Variants in EPB41L4B observed in about 807,000 individuals in gnomAD.
The protein encoded by EPB41L4B is band 4.1-like protein 4B.
A neutral mutation model predicts 112.5 loss-of-function variants in EPB41L4B; 30 were observed. The ratio of observed to expected loss-of-function variants is 0.27; its 90% confidence interval spans 0.20 to 0.36. The LOEUF is 0.36. Ranked by LOEUF, EPB41L4B falls within the 10% of genes least tolerant of loss-of-function variation. EPB41L4B has a pLI of 1.00. For synonymous variants in EPB41L4B, 408 were observed against 439.7 expected (o/e 0.93, Z 0.90); for missense variants, 1,024 against 1,133.3 (o/e 0.90, Z 1.38).
In EPB41L4B at chr9:109,243,105, T is replaced by G. The variant is rs73529309; in HGVS notation, c.1409+513A>C. On this transcript the variant is annotated intron_variant, in intron 15 of 25. Transcript: ENST00000374566. ...TTGTGACAGCGACCACAAAGCAGAA[T>G]ATATTGACTGTCTGATCCTTTACAG... is the stretch of plus-strand genomic sequence containing the variant. Among the ~76,000 whole-genome samples the G allele has an allele frequency of 5.3e-3, 798 of 150,466 alleles. 4 individuals carry two copies. Among genetic ancestry groups the G allele is most frequent in the African/African-American group, 0.019 (779 of 40,932 alleles).
rs1328877605 is a variant in EPB41L4B at position 109,197,387 on chromosome 9, C to T, written c.2045+2849G>A. Among the ~76,000 whole-genome samples the T allele has an allele frequency of 3.9e-5, 6 of 152,134 alleles. No homozygotes were observed. The South Asian group carries it at 6.2e-4, about 16-fold the overall frequency. ...GCAGTGAGCTAAGACTGAGCCATTG[C>T]ACTCCAGCCTGGGTGACAGAGTGAG... On this transcript the variant is annotated intron_variant, in intron 20 of 25. Transcript: ENST00000374566.
rs1173386391 is a variant in EPB41L4B at position 109,172,706 on chromosome 9, C to T, written c.*1848G>A. 3 of 152,188 alleles carry T rather than the reference C, an allele frequency of 2.0e-5. No individual in the cohort carries two copies. Among genetic ancestry groups the T allele is most frequent in the East Asian group, 1.9e-4 (1 of 5,196 alleles). 9.4% of individuals were successfully genotyped at this position (152,188 alleles called of 1,614,324 possible). ...CTCTGTTTACTAAGGCAGGGAAGTG[C>T]GTAATACATTTTAGAAAGATTTCCC... On this transcript the variant is annotated 3_prime_UTR_variant, in exon 26 of 26. Transcript: ENST00000374566.
In EPB41L4B at chr9:109,176,498, C is replaced by T. The variant is rs536141790; in HGVS notation, c.2633+53G>A. 5.0e-5 allele frequency: 77 copies of T among 1,545,516 alleles called. No individual in the cohort carries two copies. In the South Asian group the frequency reaches 8.9e-4, roughly 18 times the overall value. ...ACAAACACAATGAACCTAGAGTCTC[C>T]CTGGTTTCCCTGTCACCAGAATTAC... On this transcript the variant is annotated intron_variant, in intron 25 of 25. Coordinates refer to ENST00000374566, the MANE Select transcript of EPB41L4B (RefSeq NM_019114.5).
At chr9:109,201,449 C>CAAAA (rs563680101) in intron 19 of EPB41L4B, among the ~76,000 whole-genome samples, 2 of 59,418 alleles carry the variant, frequency 3.4e-5, no homozygotes, top group African/African-American at 1.1e-4. Context: ...GACCCTGTCT[C>CAAAA]AAAAAAAAAA....
intron 23 of EPB41L4B, among the ~76,000 whole-genome samples, chr9:109,183,553 T>C (rs763344353): frequency 2.0e-5 from 3 of 152,222 alleles, no homozygotes; most frequent in Non-Finnish European, 4.4e-5. Context: ...TCATTTTGTC[T>C]TTGGCCTCCT....
chr9:109,232,480 C>T (rs372482094), intron 15 of EPB41L4B, among the ~76,000 whole-genome samples: 80 of 152,134 alleles, frequency 5.3e-4, no homozygotes, highest in East Asian at 1.9e-4. Context: ...ATCATTGTCA[C>T]GAAAGCTCAG....
intron 21 of EPB41L4B, among the ~76,000 whole-genome samples, chr9:109,193,852 T>A (rs1004857496): frequency 6.6e-6 from 1 of 152,218 alleles, no homozygotes; most frequent in Non-Finnish European, 1.5e-5. Context: ...GACACTTCTA[T>A]GTTTTTGCTC....
intron 15 of EPB41L4B, among the ~76,000 whole-genome samples, chr9:109,225,166 A>C (rs1564277986): frequency 1.3e-5 from 2 of 152,250 alleles, no homozygotes; most frequent in Admixed American, 1.3e-4. Context: ...TGCTAAGAAA[A>C]GTACTAAGCA....
At chr9:109,261,307 C>T (rs371788588) in intron 6 of EPB41L4B, among the ~76,000 whole-genome samples, 5 of 148,046 alleles carry the variant, frequency 3.4e-5, no homozygotes, top group Non-Finnish European at 7.4e-5. Flanking sequence ...AAGTTCTTGG[C>T]GGGGGTGGGG....
chr9:109,228,992 G>A (rs1165744434), intron 15 of EPB41L4B, among the ~76,000 whole-genome samples: 1 of 152,160 alleles, frequency 6.6e-6, no homozygotes, highest in Admixed American at 6.5e-5. Context: ...CATATATGAT[G>A]TGATTATTTC....
At chr9:109,210,234 T>C (rs528269703) in intron 17 of EPB41L4B, among the ~76,000 whole-genome samples, 26 of 152,324 alleles carry the variant, frequency 1.7e-4, no homozygotes, top group African/African-American at 4.8e-4. Context: ...TTCAGGCAAA[T>C]AAGTAACATT....
chr9:109,297,164 C>T (rs761630816), intron 1 of EPB41L4B, among the ~76,000 whole-genome samples: 5 of 144,856 alleles, frequency 3.5e-5, no homozygotes, highest in Admixed American at 7.3e-5. Context: ...AGGGGAAAGA[C>T]CACATGAAGG....
chr9:109,222,568 A>AG (rs1833617572), intron 15 of EPB41L4B, among the ~76,000 whole-genome samples: 1 of 152,208 alleles, frequency 6.6e-6, no homozygotes, highest in Non-Finnish European at 1.5e-5. Flanking sequence ...ACCTTGGCTA[A>AG]GGCCCAGGAG....
intron 21 of EPB41L4B, among the ~76,000 whole-genome samples, chr9:109,193,218 A>T (rs1832520680): frequency 6.6e-6 from 1 of 152,230 alleles, no homozygotes; most frequent in African/African-American, 2.4e-5. Flanking sequence ...TGTGCAGAAC[A>T]CTAAGCAGAG....
At chr9:109,248,618 T>G (rs1262022709) in intron 13 of EPB41L4B, among the ~76,000 whole-genome samples, 1 of 152,184 alleles carries the variant, frequency 6.6e-6, no homozygotes, top group Non-Finnish European at 1.5e-5. Context: ...GGAATCTTTT[T>G]GTTTGTTTTA....
intron 15 of EPB41L4B, among the ~76,000 whole-genome samples, chr9:109,221,864 G>A (rs537173218): frequency 5.3e-5 from 8 of 152,264 alleles, no homozygotes; most frequent in African/African-American, 1.9e-4. Context: ...CTGAGGGATG[G>A]CAAATAGATA....
intron 18 of EPB41L4B, among the ~76,000 whole-genome samples, chr9:109,206,391 CA>C (rs1247275085): frequency 2.6e-5 from 4 of 152,200 alleles, no homozygotes; most frequent in Non-Finnish European, 5.9e-5. Context: ...CCATGTTGAC[CA>C]GGCTACTCTC....
At chr9:109,229,123 G>C (rs1055363029) in intron 15 of EPB41L4B, among the ~76,000 whole-genome samples, 1 of 152,160 alleles carries the variant, frequency 6.6e-6, no homozygotes, top group Non-Finnish European at 1.5e-5. Context: ...AATATGTGGA[G>C]AATTAAGCCC....
rs1837794091 is a variant in EPB41L4B at position 109,319,997 on chromosome 9, G to C, written c.306+144C>G. The C allele has an allele frequency of 1.2e-5, 8 of 678,512 alleles. No homozygotes were observed. The South Asian group carries it at 3.3e-4, about 28-fold the overall frequency. The allele number at this position is 678,512 out of a possible 1,614,324, so 42.0% of individuals were successfully genotyped here. A position where few individuals can be genotyped will look rare whatever the true frequency, so the allele number is the denominator to read the frequency against. ...ACGGGGTGGCCCAAGAAGAAAAAGG[G>C]TTGAGGAGTGCTCGGAGAAGAGGAT... is the stretch of plus-strand genomic sequence containing the variant. On this transcript the variant is annotated intron_variant, in intron 1 of 25. Transcript: ENST00000374566.
Sources: gnomAD v4.1 joint callset for allele counts (sites outside exome capture counted in the v4.1 genomes callset) on GRCh38, gnomAD v4.1.1 for gene constraint, MANE v1.5 for transcripts, NCBI Gene and HGNC (gene_info 2026-07-23, HGNC 2026-07-21) for gene names.